The following DPH6 variants were observed in gnomAD, a reference collection of about 807,000 sequenced individuals.
DPH6 encodes the protein diphthamine biosynthesis 6.
In DPH6, 33 loss-of-function variants were observed where a neutral mutation model predicts 38.2. That is an observed-to-expected ratio of 0.86 (90% CI 0.65 to 1.15). DPH6 has a LOEUF of 1.15. Ranked by LOEUF, DPH6 falls within the 50% of genes most tolerant of loss-of-function variation. The pLI, the probability that DPH6 is intolerant of heterozygous loss-of-function variation, is 0.00. For synonymous variants in DPH6, 108 were observed against 103.0 expected, an observed-to-expected ratio of 1.05 and a Z score of -0.30; for missense variants, 325 against 320.0, an observed-to-expected ratio of 1.02 and a Z score of -0.12.
intron 5 of DPH6, among the ~76,000 whole-genome samples, chr15:35,436,324 G>A (rs2053702894): frequency 6.6e-6 from 1 of 151,516 alleles, no homozygotes; most frequent in Non-Finnish European, 1.5e-5. Context: ...AAATTAGCTG[G>A]GCGTGGTGGT....
intron 3 of DPH6, among the ~76,000 whole-genome samples, chr15:35,456,425 CTG>C (rs1367132486): frequency 1.3e-5 from 2 of 149,192 alleles, no homozygotes; most frequent in Admixed American, 1.3e-4. Flanking sequence ...ACAAAAGCCA[CTG>C]TTGTTTTCTT....
chr15:35,246,396 C>T (rs530081141), intron 3 of DPH6, among the ~76,000 whole-genome samples: 7 of 152,278 alleles, frequency 4.6e-5, no homozygotes, highest in African/African-American at 9.6e-5. Flanking sequence ...CATATTCTTA[C>T]GGAGGATGAC....
intron 3 of DPH6, among the ~76,000 whole-genome samples, chr15:35,241,944 C>A (rs1054518620): frequency 5.5e-5 from 8 of 144,296 alleles, no homozygotes; most frequent in African/African-American, 2.0e-4. Flanking sequence ...TTTTGCCTAT[C>A]CACCCCATGG....
At chr15:35,544,732 T>C (rs894645706) in intron 1 of DPH6, among the ~76,000 whole-genome samples, 1 of 152,160 alleles carries the variant, frequency 6.6e-6, no homozygotes, top group African/African-American at 2.4e-5. Flanking sequence ...TTTAGCAAAC[T>C]TTTTTTATTA....
Position 35,496,565 on chromosome 15 carries a change from AAAATATAT to A in DPH6, c.312+41701_312+41708del, listed in dbSNP as rs1458398652. Reference sequence around the variant, plus strand: ...ACGAAAGTTCCATCTCAAAAAAAAAAAAATATATATATATATATATATATATCCTCTAC... The same window carrying A: ...ACGAAAGTTCCATCTCAAAAAAAAAAATATATATATATATATATCCTCTAC... On this transcript the variant is annotated intron_variant, in intron 3 of 8. Transcript: ENST00000256538. 1.9e-3 allele frequency among the ~76,000 whole-genome samples: 38 copies of A among 20,148 alleles called. 5 individuals carry two copies. Among genetic ancestry groups the A allele is most frequent in the East Asian group, 7.1e-3 (2 of 280 alleles). 13.2% of individuals were successfully genotyped at this position (20,148 alleles called of 152,430 possible).
intron 3 of DPH6, among the ~76,000 whole-genome samples, chr15:35,356,701 G>A (rs556121784): frequency 4.2e-4 from 64 of 152,288 alleles, no homozygotes; most frequent in African/African-American, 1.5e-3. Flanking sequence ...CTACTGTGAG[G>A]TGCCTCCCAG....
At chr15:35,167,745 C>T in the DPH6 span, among the ~76,000 whole-genome samples, 364 of 152,012 alleles carry the variant, frequency 2.4e-3, 1 homozygote, top group Non-Finnish European at 4.5e-3. Flanking sequence ...TTGAATTAAC[C>T]TACAATGTTT....
intron 3 of DPH6, among the ~76,000 whole-genome samples, chr15:35,476,497 A>G (rs972646817): frequency 2.0e-5 from 3 of 151,922 alleles, no homozygotes; most frequent in Non-Finnish European, 4.4e-5. Flanking sequence ...ATACCAGAAA[A>G]TTAGAAAACT....
intron 5 of DPH6, among the ~76,000 whole-genome samples, chr15:35,424,412 T>C (rs576560637): frequency 1.3e-5 from 2 of 151,552 alleles, no homozygotes; most frequent in East Asian, 3.9e-4. Context: ...TGATTTTATA[T>C]TCTGCAACTT....
intron 7 of DPH6, among the ~76,000 whole-genome samples, chr15:35,378,489 A>C (rs2052812623): frequency 6.6e-6 from 1 of 152,178 alleles, no homozygotes; most frequent in African/African-American, 2.4e-5. Context: ...ATATACCCAA[A>C]GGATTATAAA....
In DPH6 at chr15:35,363,442, C is replaced by CT. The variant is rs2052630460; in HGVS notation, n.207+10078dup. On this transcript the variant is annotated intron_variant and non_coding_transcript_variant, in intron 3 of 3. Coordinates refer to the DPH6 transcript ENST00000558973. Reference sequence around the variant, plus strand: ...TTCTATTAAAAGACATCTACATAAACTCTCTTTTGCCTAGCTTTTGCATGG... The same window carrying CT: ...TTCTATTAAAAGACATCTACATAAACTTCTCTTTTGCCTAGCTTTTGCATGG... Among the ~76,000 whole-genome samples, 6 of 152,024 alleles carry CT rather than the reference C, an allele frequency of 3.9e-5. 1 individual carries two copies. The South Asian group carries it at 1.2e-3, about 31-fold the overall frequency.
chr15:35,282,463 G>A lies in DPH6; in HGVS notation n.201-61881C>T, dbSNP rs539847897. ...CAAAGCACTGGGATTACAGGTGTGA[G>A]CCACCACACCCAGCAGTTTTCACAA... On this transcript the variant is annotated intron_variant and non_coding_transcript_variant, in intron 3 of 3. Transcript: ENST00000560386. 1.6e-5 allele frequency: 3 copies of A among 181,826 alleles called. No individual in the cohort carries two copies. In the South Asian group the frequency reaches 3.2e-4, roughly 19 times the overall value. The allele number at this position is 181,826 out of a possible 1,614,324, so 11.3% of individuals were successfully genotyped here.
At chr15:35,406,425 TATG>T (rs1269831618) in intron 6 of DPH6, among the ~76,000 whole-genome samples, 1 of 149,968 alleles carries the variant, frequency 6.7e-6, no homozygotes, top group Non-Finnish European at 1.5e-5. Flanking sequence ...GAAAGTGTAA[TATG>T]ATATGATTAG....
chr15:35,537,492 T>C (rs904639386), intron 3 of DPH6, among the ~76,000 whole-genome samples: 27 of 152,168 alleles, frequency 1.8e-4, no homozygotes, highest in Non-Finnish European at 3.7e-4. Context: ...AATGAAAAGA[T>C]AGTTGCTTAA....
chr15:35,228,282 A>G (rs2051495764), intron 3 of DPH6, among the ~76,000 whole-genome samples: 1 of 152,182 alleles, frequency 6.6e-6, no homozygotes, highest in Non-Finnish European at 1.5e-5. Flanking sequence ...TGTACTGCCC[A>G]TGTCTTGAAA....
intron 5 of DPH6, among the ~76,000 whole-genome samples, chr15:35,424,599 T>A (rs1170662857): frequency 6.6e-6 from 1 of 151,626 alleles, no homozygotes; most frequent in African/African-American, 2.4e-5. Flanking sequence ...ATGTTTAATA[T>A]AAGTGGCAAG....
At chr15:35,163,842 C>T in the DPH6 span, among the ~76,000 whole-genome samples, 1 of 151,752 alleles carries the variant, frequency 6.6e-6, no homozygotes. Flanking sequence ...TTATTTTGTT[C>T]TGGCAGTAGC....
Position 35,280,472 on chromosome 15 carries a change from T to TA in DPH6, n.201-59891dup, listed in dbSNP as rs148966726. Among the ~76,000 whole-genome samples the TA allele has an allele frequency of 3.8e-3, 584 of 152,250 alleles. 3 individuals are homozygous for TA. Among genetic ancestry groups the TA allele is most frequent in the African/African-American group, 0.013 (558 of 41,540 alleles). ...AGAATTTATAAAATGGTTAGCCTTT[T>TA]AAAAAGTAGAGAGAGAGAATATACT... is the stretch of plus-strand genomic sequence containing the variant. On this transcript the variant is annotated intron_variant and non_coding_transcript_variant, in intron 3 of 3. Coordinates refer to the DPH6 transcript ENST00000560386.
chr15:35,415,954 T>C (rs2053430557), intron 5 of DPH6, among the ~76,000 whole-genome samples: 1 of 151,966 alleles, frequency 6.6e-6, no homozygotes, highest in South Asian at 2.1e-4. Context: ...ATAAACTTCA[T>C]GTGTACCTAT....
Sources: allele counts gnomAD v4.1 joint callset (sites outside exome capture counted in the v4.1 genomes callset), GRCh38; gene constraint gnomAD v4.1.1; transcripts MANE v1.5; gene names NCBI Gene and HGNC (gene_info 2026-07-23, HGNC 2026-07-21).